FSTL4: variants seen among roughly 807,000 people sequenced by gnomAD.
FSTL4 encodes the protein follistatin-related protein 4.
A neutral mutation model predicts 78.2 loss-of-function variants in FSTL4; 28 were observed. That is an observed-to-expected ratio of 0.36 (90% CI 0.27 to 0.49). FSTL4 has a LOEUF of 0.49. Ranked by LOEUF, FSTL4 falls within the 20% of genes least tolerant of loss-of-function variation. FSTL4 has a pLI of 0.98. For missense variants in FSTL4, 922 were observed against 1,084.9 expected (o/e 0.85, Z 2.11); for synonymous variants, 422 against 440.5 (o/e 0.96, Z 0.53).
chr5:133,458,569 T>C (rs79989136), intron 3 of FSTL4, among the ~76,000 whole-genome samples: 6,353 of 152,310 alleles, frequency 0.042, 174 homozygotes, highest in South Asian at 0.14. Context: ...GCCAGAGAGG[T>C]GCCCTGGGGT....
At chr5:133,389,123 T>G (rs1178083030) in intron 4 of FSTL4, among the ~76,000 whole-genome samples, 1 of 152,242 alleles carries the variant, frequency 6.6e-6, no homozygotes, top group Non-Finnish European at 1.5e-5. Context: ...AGAACACAGT[T>G]GCTGTCTAAA....
chr5:133,641,303 A>T, the FSTL4 span, among the ~76,000 whole-genome samples: 1 of 151,540 alleles, frequency 6.6e-6, no homozygotes, highest in African/African-American at 2.4e-5. Context: ...TGAATTACTA[A>T]TACAGTTGGC....
rs929450588 is a variant in FSTL4, at chr5:133,338,636, C to T, written c.410-21984G>A. Reference sequence around the variant, plus strand: ...TCTCTTGAGCTCCTGATGTCCCACCCCACTGTTGGCCTGACATTTCCCCAC... The same window carrying T: ...TCTCTTGAGCTCCTGATGTCCCACCTCACTGTTGGCCTGACATTTCCCCAC... On this transcript the variant is annotated intron_variant, in intron 4 of 15. Transcript: ENST00000265342. This position sits in a 1 kb window ranked among gnomAD's most constrained non-coding sequence, Gnocchi z 4.0. 6.6e-6 allele frequency among the ~76,000 whole-genome samples: 1 copy of T among 152,068 alleles called. No individual in the cohort carries two copies. The highest frequency in any genetic ancestry group is 1.5e-5 in the Non-Finnish European group (1 of 68,006).
intron 4 of FSTL4, among the ~76,000 whole-genome samples, chr5:133,349,293 CTCTGTGTG>C (rs898996983): frequency 3.0e-5 from 3 of 99,206 alleles, no homozygotes; most frequent in African/African-American, 1.1e-4. Flanking sequence ...AAGCCTCTCT[CTCTGTGTG>C]TGTGTGTGTG....
chr5:133,400,545 G>A (rs1348821892), intron 4 of FSTL4, among the ~76,000 whole-genome samples, 193 bp downstream of exon 4: 1 of 152,226 alleles, frequency 6.6e-6, no homozygotes, highest in Non-Finnish European at 1.5e-5. Flanking sequence ...TCTAAGGGCA[G>A]GGGTCTCTGG....
the FSTL4 span, among the ~76,000 whole-genome samples, chr5:133,775,147 A>G: frequency 6.6e-6 from 1 of 152,238 alleles, no homozygotes; most frequent in Non-Finnish European, 1.5e-5. Context: ...ACAAGTTTCT[A>G]TAGAAGGTCC....
chr5:133,522,916 G>C (rs185587246), intron 3 of FSTL4, among the ~76,000 whole-genome samples: 2 of 152,238 alleles, frequency 1.3e-5, no homozygotes, highest in African/African-American at 2.4e-5. Context: ...TAATCAGTTG[G>C]GTATAATTAA....
chr5:133,505,542 T>A (rs1292326034), intron 3 of FSTL4, among the ~76,000 whole-genome samples: 2 of 152,204 alleles, frequency 1.3e-5, no homozygotes, highest in South Asian at 2.1e-4. Flanking sequence ...GAAAAGCCCA[T>A]CCTTACAAGT....
intron 11 of FSTL4, 86 bp from the exon 12 acceptor site, chr5:133,220,952 C>T (rs775004265): frequency 5.5e-5 from 45 of 822,588 alleles, no homozygotes; most frequent in Non-Finnish European, 5.2e-5. Context: ...CACAAGAAAC[C>T]GGCCACGTGG....
At chr5:133,556,065 C>T (rs190699366) in intron 3 of FSTL4, among the ~76,000 whole-genome samples, 1 of 152,130 alleles carries the variant, frequency 6.6e-6, no homozygotes, top group East Asian at 1.9e-4. Context: ...TGGGGGAGGT[C>T]CCAGGACCTC....
At chr5:133,352,362 A>T (rs892305864) in intron 4 of FSTL4, among the ~76,000 whole-genome samples, 1 of 146,324 alleles carries the variant, frequency 6.8e-6, no homozygotes, top group Non-Finnish European at 1.5e-5. Context: ...ATACACACAC[A>T]TATATATACA....
chr5:133,359,082 G>T (rs1314712875), intron 4 of FSTL4, among the ~76,000 whole-genome samples: 1 of 152,152 alleles, frequency 6.6e-6, no homozygotes, highest in African/African-American at 2.4e-5. Context: ...GCCATTGGCC[G>T]CTCTTCTAGC....
the FSTL4 span, among the ~76,000 whole-genome samples, chr5:133,699,856 G>A: frequency 1.4e-5 from 2 of 140,890 alleles, no homozygotes; most frequent in Non-Finnish European, 3.0e-5. Flanking sequence ...AGTCAGGCCT[G>A]GGTGAAAGAG....
chr5:133,442,497 C>T (rs1053716942), intron 3 of FSTL4, among the ~76,000 whole-genome samples: 3 of 151,746 alleles, frequency 2.0e-5, no homozygotes, highest in African/African-American at 7.3e-5. Flanking sequence ...ATCTACTATT[C>T]ATCAAGGTTA....
the FSTL4 span, among the ~76,000 whole-genome samples, chr5:133,773,870 T>A: frequency 6.6e-6 from 1 of 152,218 alleles, no homozygotes; most frequent in South Asian, 2.1e-4. Flanking sequence ...CACCCATTTG[T>A]AGAGAGCAAG....
At chr5:133,278,506 C>T (rs1026684527) in intron 6 of FSTL4, among the ~76,000 whole-genome samples, 2 of 152,236 alleles carry the variant, frequency 1.3e-5, no homozygotes, top group Non-Finnish European at 2.9e-5. Flanking sequence ...GCGTATGCTT[C>T]CTGTTCTCTC....
At chr5:133,205,461 A>AATT (rs1750468430) in intron 14 of FSTL4, among the ~76,000 whole-genome samples, 1 of 151,964 alleles carries the variant, frequency 6.6e-6, no homozygotes, top group East Asian at 1.9e-4. Flanking sequence ...TTTTAAAATA[A>AATT]ATTATCCTTG....
chr5:133,289,805 G>C (rs1055352134), intron 6 of FSTL4, among the ~76,000 whole-genome samples: 1 of 152,208 alleles, frequency 6.6e-6, no homozygotes, highest in Non-Finnish European at 1.5e-5. Context: ...AGTGATGGGT[G>C]GGGGGACTTA....
At chr5:133,648,288 C>A in the FSTL4 span, among the ~76,000 whole-genome samples, 510 of 152,292 alleles carry the variant, frequency 3.3e-3, 1 homozygote, top group African/African-American at 0.012. Context: ...AAGCTTAGAG[C>A]TAAATAGTGC....
Sources: allele counts gnomAD v4.1 joint callset (sites outside exome capture counted in the v4.1 genomes callset), GRCh38; gene constraint gnomAD v4.1.1; non-coding constraint Gnocchi (gnomAD v3.1); transcripts MANE v1.5; gene names NCBI Gene and HGNC (gene_info 2026-07-23, HGNC 2026-07-21).